FGF12: variants seen among roughly 807,000 people sequenced by gnomAD.
FGF12 encodes the protein fibroblast growth factor 12B.
FGF12 carries 14 observed loss-of-function variants against 23.6 expected under a neutral mutation model. The observed-to-expected ratio is 0.59, with a 90% CI of 0.39 to 0.93. The LOEUF (loss-of-function observed/expected upper bound fraction) is 0.93, where lower values mean the gene tolerates loss of function less well. Among genes scored for constraint, FGF12 ranks in the 40% least tolerant of loss-of-function variants. The pLI is 0.00. For synonymous variants in FGF12, 62 were observed against 77.3 expected (o/e 0.80, Z 1.04); for missense variants, 175 against 217.8 (o/e 0.80, Z 1.24).
chr3:192,157,697 A>G (rs970787573), intron 5 of FGF12, among the ~76,000 whole-genome samples: 2 of 152,170 alleles, frequency 1.3e-5, no homozygotes, highest in Non-Finnish European at 2.9e-5. Context: ...AATTACAATG[A>G]AACAAAGACT....
At chr3:192,366,928 A>G (rs1393834165) in intron 2 of FGF12, among the ~76,000 whole-genome samples, 3 of 152,226 alleles carry the variant, frequency 2.0e-5, no homozygotes, top group Non-Finnish European at 4.4e-5. Context: ...GAATATGCAG[A>G]TTAAAAAGAA....
intron 4 of FGF12, among the ~76,000 whole-genome samples, chr3:192,215,191 C>T (rs772295416): frequency 9.2e-5 from 14 of 152,166 alleles, no homozygotes; most frequent in Non-Finnish European, 1.8e-4. Context: ...CCTTGTCTTC[C>T]CTTTCCTGGC....
intron 2 of FGF12, among the ~76,000 whole-genome samples, chr3:192,439,567 C>T (rs533310705): frequency 6.6e-6 from 1 of 152,272 alleles, no homozygotes; most frequent in East Asian, 1.9e-4. Flanking sequence ...CAAAAGCAGA[C>T]CTGGTTCTTG....
At chr3:192,471,986 T>C (rs753382201) in intron 2 of FGF12, among the ~76,000 whole-genome samples, 8 of 152,144 alleles carry the variant, frequency 5.3e-5, no homozygotes, top group Non-Finnish European at 7.4e-5. Context: ...AAAAAGCCTA[T>C]AGATTGTATT....
chr3:192,225,400 A>C (rs1384398013), intron 4 of FGF12, among the ~76,000 whole-genome samples: 1 of 152,044 alleles, frequency 6.6e-6, no homozygotes, highest in African/African-American at 2.4e-5. Context: ...ATGCTAATCA[A>C]TCCTACTCTT....
rs753264709 is a variant in FGF12, at chr3:192,170,640, T to G, written c.245A>C (p.Glu82Ala). The G allele has an allele frequency of 6.2e-7, 1 of 1,607,870 alleles. No individual in the cohort carries two copies. The highest frequency in any genetic ancestry group is 8.5e-7 in the Non-Finnish European group (1 of 1,178,538). ...AAACACAGATTCCTTGAATTTGCAT[T>G]CTGGAGTGAAAACATCCTGTAGGAA... The part of the protein sequence containing the change: ...YLYSSDVFTP[E>A]CKFKESVFEN... The change falls in exon 5 of 6, where the codon GAA becomes GCA. Residue 82 changes from glutamate to alanine, a missense_variant. Transcript: ENST00000445105.
Position 192,288,322 on chromosome 3 carries a change from A to G in FGF12, c.228+47039T>C, listed in dbSNP as rs73064595. Reference sequence around the variant, plus strand: ...ATACACTTAACACAGACATCAAGAAATACTATCAAAGCTGAAGCACAATTA... The same window carrying G: ...ATACACTTAACACAGACATCAAGAAGTACTATCAAAGCTGAAGCACAATTA... On this transcript the variant is annotated intron_variant, in intron 4 of 5. Transcript: ENST00000445105. 4.1e-3 allele frequency among the ~76,000 whole-genome samples: 620 copies of G among 152,220 alleles called. 6 individuals are homozygous for G. Among genetic ancestry groups the G allele is most frequent in the African/African-American group, 0.014 (583 of 41,556 alleles).
intron 4 of FGF12, among the ~76,000 whole-genome samples, chr3:192,322,177 G>A (rs1485327596): frequency 2.6e-5 from 4 of 151,818 alleles, no homozygotes; most frequent in Non-Finnish European, 4.4e-5. Flanking sequence ...TATGCCAACA[G>A]TGAACAATCA....
chr3:192,698,554 T>C (rs1348541285), intron 2 of FGF12, among the ~76,000 whole-genome samples: 2 of 151,524 alleles, frequency 1.3e-5, no homozygotes, highest in Admixed American at 1.3e-4. Context: ...TCAGACATTA[T>C]CCTGAGGACA....
Position 192,175,393 on chromosome 3 carries a change from T to C in FGF12, c.229-4737A>G, listed in dbSNP as rs538906656. Among the ~76,000 whole-genome samples, 10 of 150,698 alleles carry C rather than the reference T, an allele frequency of 6.6e-5. No homozygotes were observed. In the East Asian group the frequency reaches 9.8e-4, roughly 15 times the overall value. On this transcript the variant is annotated intron_variant, in intron 4 of 5. Transcript: ENST00000445105. ...CAATGTAGGCATCAGAGAAAACTTA[T>C]AGAAATCTGCTGAAATAGAAACACC...
intron 2 of FGF12, among the ~76,000 whole-genome samples, chr3:192,606,338 T>C (rs1423980787): frequency 1.3e-5 from 2 of 152,018 alleles, no homozygotes; most frequent in African/African-American, 4.8e-5. Flanking sequence ...CATGGACATA[T>C]AGACGGCCGT....
At chr3:192,584,567 G>A (rs140706399) in intron 2 of FGF12, among the ~76,000 whole-genome samples, 1 of 152,012 alleles carries the variant, frequency 6.6e-6, no homozygotes, top group African/African-American at 2.4e-5. Flanking sequence ...TAGAGGTTTG[G>A]CTCTTTTAGT....
chr3:192,189,138 C>T (rs1577217684), intron 4 of FGF12, among the ~76,000 whole-genome samples: 1 of 152,196 alleles, frequency 6.6e-6, no homozygotes, highest in Non-Finnish European at 1.5e-5. Flanking sequence ...TCCTCAGCCT[C>T]GGTTTCATGG....
At chr3:192,576,395 TAGA>T (rs1712886384) in intron 2 of FGF12, among the ~76,000 whole-genome samples, 1 of 152,204 alleles carries the variant, frequency 6.6e-6, no homozygotes, top group African/African-American at 2.4e-5. Context: ...AAGCTAGTTT[TAGA>T]ACAACTGACT....
chr3:192,511,281 A>T (rs183661255), intron 2 of FGF12, among the ~76,000 whole-genome samples: 1 of 152,158 alleles, frequency 6.6e-6, no homozygotes, highest in East Asian at 1.9e-4. Context: ...TACTGTAGGG[A>T]CCTACTGCCA....
chr3:192,564,021 CTA>C (rs1399825573), intron 2 of FGF12, among the ~76,000 whole-genome samples: 1 of 150,646 alleles, frequency 6.6e-6, no homozygotes, highest in Non-Finnish European at 1.5e-5. Context: ...TAAAATTAGA[CTA>C]TGTGTAGTTT....
chr3:192,161,361 C>A (rs529081780), intron 5 of FGF12, among the ~76,000 whole-genome samples: 1 of 152,020 alleles, frequency 6.6e-6, no homozygotes, highest in East Asian at 1.9e-4. Context: ...ATGAGAAATA[C>A]CCGGATGTTC....
intron 2 of FGF12, among the ~76,000 whole-genome samples, chr3:192,621,686 A>AAT (rs1714979999): frequency 8.6e-6 from 1 of 116,682 alleles, no homozygotes; most frequent in Non-Finnish European, 1.7e-5. Context: ...GCAAGATACA[A>AAT]ATACAAAAAA....
chr3:192,206,331 G>A (rs1717647262), intron 4 of FGF12, among the ~76,000 whole-genome samples: 1 of 152,154 alleles, frequency 6.6e-6, no homozygotes, highest in Admixed American at 6.5e-5. Context: ...AAGATCAATA[G>A]CCTGAAATCA....
Sources: gnomAD v4.1 joint callset for allele counts (sites outside exome capture counted in the v4.1 genomes callset) on GRCh38, gnomAD v4.1.1 for gene constraint, MANE v1.5 for transcripts, NCBI Gene and HGNC (gene_info 2026-07-23, HGNC 2026-07-21) for gene names.